The following TAF4B variants were observed in gnomAD, a reference collection of about 807,000 sequenced individuals.
TAF4B encodes TATA-box binding protein associated factor 4b, also known as transcription initiation factor TFIID subunit 4B.
Under a neutral mutation model 86.4 loss-of-function variants are expected in TAF4B, and 38 were observed. The ratio of observed to expected loss-of-function variants is 0.44; its 90% CI spans 0.34 to 0.58. The LOEUF (loss-of-function observed/expected upper bound fraction) is 0.58, where lower values mean the gene tolerates loss of function less well. Among genes scored for constraint, TAF4B ranks in the 20% least tolerant of loss-of-function variants. The pLI is 0.02. For synonymous variants in TAF4B, 388 were observed against 391.2 expected (o/e 0.99, Z 0.10); for missense variants, 988 against 1,027.6 (o/e 0.96, Z 0.53).
At chr18:26,325,048 C>T (rs2056993211) in intron 11 of TAF4B, among the ~76,000 whole-genome samples, 1 of 152,112 alleles carries the variant, frequency 6.6e-6, no homozygotes, top group Admixed American at 6.6e-5. Flanking sequence ...CTTGAACATC[C>T]ATTTACTTTT....
At chr18:26,255,616 A>G in intron 1 of TAF4B, 3 of 816,000 alleles carry the variant, frequency 3.7e-6, no homozygotes, top group Non-Finnish European at 5.8e-6. Context: ...AAAAAAAAAA[A>G]AAGAGGGTCA....
intron 14 of TAF4B, among the ~76,000 whole-genome samples, chr18:26,380,797 AT>A (rs1380117880): frequency 0.011 from 1,528 of 143,510 alleles, 13 homozygotes; most frequent in African/African-American, 0.034. Flanking sequence ...TTGAGTTTTG[AT>A]TTTTTTTTTT....
chr18:26,280,023 G>A (rs1254669240), intron 5 of TAF4B, among the ~76,000 whole-genome samples: 2 of 141,884 alleles, frequency 1.4e-5, no homozygotes, highest in Non-Finnish European at 3.0e-5. Flanking sequence ...CAGCCTAGGT[G>A]ACACAGTGAG....
rs2056903776 is a variant in TAF4B, at chr18:26,315,655, TATATA to T, written c.2002+263_2002+267del. ...ATAGTGGAATATATTTTTGCATGAA[TATATA>T]ATATACTATTTTTTTTTCTGTCCTG... is the stretch of plus-strand genomic sequence containing the variant. On this transcript the variant is annotated intron_variant, in intron 10 of 14. Transcript: ENST00000269142. 2.0e-5 allele frequency among the ~76,000 whole-genome samples: 3 copies of T among 152,166 alleles called. No homozygotes were observed. In the South Asian group the frequency reaches 6.2e-4, roughly 32 times the overall value.
chr18:26,256,027 C>T, intron 1 of TAF4B: 3 of 1,257,184 alleles, frequency 2.4e-6, no homozygotes, highest in South Asian at 1.2e-5. Flanking sequence ...ATTCCTTCTG[C>T]AGTTTACTGA....
chr18:26,381,022 A>G (rs1292513838), intron 14 of TAF4B, among the ~76,000 whole-genome samples: 3 of 151,944 alleles, frequency 2.0e-5, no homozygotes, highest in African/African-American at 4.8e-5. Flanking sequence ...TTATATACCT[A>G]CTTATCTTTT....
intron 1 of TAF4B, among the ~76,000 whole-genome samples, chr18:26,246,908 T>C (rs914681226): frequency 9.9e-5 from 15 of 151,392 alleles, no homozygotes; most frequent in African/African-American, 3.6e-4. Context: ...TGGAGTGCAG[T>C]GGCATGATTT....
At chr18:26,330,579 A>G (rs1025614059) in intron 12 of TAF4B, among the ~76,000 whole-genome samples, 4 of 152,192 alleles carry the variant, frequency 2.6e-5, no homozygotes, top group African/African-American at 9.7e-5. Context: ...GGCCTTCTCA[A>G]TGGACAGATC....
In TAF4B at chr18:26,390,863, A is replaced by G. The variant is rs557669843; in HGVS notation, c.*851A>G. On this transcript the variant is annotated 3_prime_UTR_variant, in exon 15 of 15. Transcript: ENST00000269142. ...TGGTACATGTTTTGTTGATGGGCAA[A>G]AAAAATCACAGCACAACCAGAAAGG... is the stretch of plus-strand genomic sequence containing the variant. 6.6e-6 allele frequency: 1 copy of G among 152,340 alleles called. No homozygotes were observed. The highest frequency in any genetic ancestry group is 2.1e-4 in the South Asian group (1 of 4,824). The allele number at this position is 152,340 out of a possible 1,614,324, so 9.4% of individuals were successfully genotyped here.
At chr18:26,300,739 G>T (rs1196938064) in intron 9 of TAF4B, among the ~76,000 whole-genome samples, 1 of 152,060 alleles carries the variant, frequency 6.6e-6, no homozygotes, top group Non-Finnish European at 1.5e-5. Flanking sequence ...GTCTACATCA[G>T]TTTGGTGAAG....
chr18:26,272,056 G>A (rs1389174734), intron 3 of TAF4B, among the ~76,000 whole-genome samples: 5 of 151,452 alleles, frequency 3.3e-5, no homozygotes, highest in Admixed American at 2.0e-4. Context: ...ATTGAATCTC[G>A]GGTCACCACA....
At chr18:26,375,098 C>A (rs1376900250) in intron 14 of TAF4B, among the ~76,000 whole-genome samples, 1 of 152,198 alleles carries the variant, frequency 6.6e-6, no homozygotes. Flanking sequence ...CAGTTCCTGA[C>A]AACCGGTAAT....
chr18:26,374,241 A>G (rs1377433204), intron 14 of TAF4B, among the ~76,000 whole-genome samples: 2 of 152,180 alleles, frequency 1.3e-5, no homozygotes, highest in Non-Finnish European at 2.9e-5. Flanking sequence ...TAGTTAGCCT[A>G]ATCATGAGCT....
chr18:26,347,203 A>G (rs1374693004), intron 13 of TAF4B, among the ~76,000 whole-genome samples: 1 of 151,846 alleles, frequency 6.6e-6, no homozygotes, highest in Non-Finnish European at 1.5e-5. Context: ...TACAGGCGTG[A>G]GCCACTGCGC....
chr18:26,372,203 A>G (rs1347167890), intron 14 of TAF4B, among the ~76,000 whole-genome samples: 1 of 152,204 alleles, frequency 6.6e-6, no homozygotes, highest in Non-Finnish European at 1.5e-5. Context: ...AGCTACTAGA[A>G]TGGTGTCTAC....
chr18:26,241,967 T>G (rs1568097998), intron 1 of TAF4B, among the ~76,000 whole-genome samples: 1 of 152,244 alleles, frequency 6.6e-6, no homozygotes. Flanking sequence ...TTATAATTTC[T>G]GTTCTTTCAC....
Position 26,274,728 on chromosome 18 carries a change from C to A in TAF4B, c.663C>A (p.Thr221=), listed in dbSNP as rs17224558. Residue 221 remains threonine, a synonymous_variant, in exon 4 of 15, where the codon ACC becomes ACA. Coordinates refer to ENST00000269142, the MANE Select transcript of TAF4B (RefSeq NM_005640.3). ...TPGKPLNTVT[T]LKPSSLGASS... ...GAAAGCCATTGAATACTGTAACTAC[C>A]CTGAAGCCTTCAAGTTTGGGAGCAT... 7 of 1,614,056 alleles carry A rather than the reference C, an allele frequency of 4.3e-6. No individual in the cohort carries two copies. Among genetic ancestry groups the A allele is most frequent in the Non-Finnish European group, 5.9e-6 (7 of 1,180,002 alleles).
chr18:26,361,135 C>T (rs776709895), intron 14 of TAF4B, among the ~76,000 whole-genome samples: 2 of 151,924 alleles, frequency 1.3e-5, no homozygotes, highest in Non-Finnish European at 2.9e-5. Flanking sequence ...AACACATTCA[C>T]GTTGTTGAAA....
At chr18:26,308,879 CA>C (rs71169847) in intron 9 of TAF4B, among the ~76,000 whole-genome samples, 5,531 of 80,194 alleles carry the variant, frequency 0.069, 106 homozygotes, top group African/African-American at 0.15. Context: ...GACTCTGTCT[CA>C]AAAAAAAAAA....
Sources: gnomAD v4.1 joint callset for allele counts (sites outside exome capture counted in the v4.1 genomes callset) on GRCh38, gnomAD v4.1.1 for gene constraint, MANE v1.5 for transcripts, NCBI Gene and HGNC (gene_info 2026-07-23, HGNC 2026-07-21) for gene names.